The following DYRK3 variants were observed in gnomAD, a reference collection of about 807,000 sequenced individuals.
DYRK3 encodes the protein dual specificity tyrosine-phosphorylation-regulated kinase 3.
In DYRK3, 30 loss-of-function variants were observed where a neutral mutation model predicts 40.8. That is an observed-to-expected ratio of 0.74 (90% CI 0.55 to 1.00). DYRK3 has a LOEUF of 1.00. Ranked by LOEUF, DYRK3 falls within the 50% of genes least tolerant of loss-of-function variation. The pLI is 0.00. For synonymous variants in DYRK3, 272 were observed against 260.7 expected, an observed-to-expected ratio of 1.04 and a Z score of -0.42; for missense variants, 699 against 731.5, an observed-to-expected ratio of 0.96 and a Z score of 0.51.
intron 2 of DYRK3, among the ~76,000 whole-genome samples, chr1:206,641,124 G>A (rs1671277610): frequency 6.6e-6 from 1 of 151,640 alleles, no homozygotes; most frequent in Non-Finnish European, 1.5e-5. Flanking sequence ...GTGGTGTTTG[G>A]GTTACATGAA....
rs1476918314 is a variant in DYRK3, at chr1:206,637,752, A to G, written c.180A>G (p.Arg60=). The G allele has an allele frequency of 6.2e-7, 1 of 1,611,598 alleles. No individual in the cohort carries two copies. The highest frequency in any genetic ancestry group is 8.5e-7 in the Non-Finnish European group (1 of 1,178,054). ...LCNPSEPPPP[R]RLNMTTEQFT... Reference sequence around the variant, plus strand: ...ATCCTTCTGAACCACCTCCACCCAGAAGACTAAATGTAAGTAAAAGAAGTC... The same window carrying G: ...ATCCTTCTGAACCACCTCCACCCAGGAGACTAAATGTAAGTAAAAGAAGTC... Residue 60 remains arginine, a synonymous_variant, in exon 2 of 3, where the codon AGA becomes AGG. Coordinates refer to ENST00000367109, the MANE Select transcript of DYRK3 (RefSeq NM_003582.4).
At chr1:206,646,102 G>A (rs1553420070) in intron 2 of DYRK3, among the ~76,000 whole-genome samples, 1 of 152,058 alleles carries the variant, frequency 6.6e-6, no homozygotes, top group African/African-American at 2.4e-5. Flanking sequence ...CACCTGCCTT[G>A]GCCTCCCAGA....
At chr1:206,643,260 G>A (rs1671341932) in intron 2 of DYRK3, among the ~76,000 whole-genome samples, 1 of 152,062 alleles carries the variant, frequency 6.6e-6, no homozygotes, top group African/African-American at 2.4e-5. Flanking sequence ...CCAAAGGCAA[G>A]GTACAACTTA....
intron 2 of DYRK3, among the ~76,000 whole-genome samples, chr1:206,643,753 C>CT (rs1671353026): frequency 6.6e-6 from 1 of 151,982 alleles, no homozygotes; most frequent in African/African-American, 2.4e-5. Context: ...ATAGTTAGTG[C>CT]TAGACGCATG....
chr1:206,646,530 A>T (rs1379540380), intron 2 of DYRK3, among the ~76,000 whole-genome samples: 1 of 152,176 alleles, frequency 6.6e-6, no homozygotes, highest in Non-Finnish European at 1.5e-5. Flanking sequence ...CCTCACTGTT[A>T]TCAGGTACTT....
intron 1 of DYRK3, chr1:206,636,077 A>C: frequency 6.6e-7 from 1 of 1,519,046 alleles, no homozygotes; most frequent in East Asian, 2.6e-5. Context: ...GATTACGAAA[A>C]TCTAGGACTT....
At position 206,647,518 on chromosome 1, in the gene DYRK3, ACT is replaced by A. The variant is rs1671490017; in HGVS notation, c.323_324del (p.Ser108Ter). ...ACTATTCAGTCAGATGGCATCAGTG[ACT>A]CTGAAAAATGCTCTCCTACTGTTTC... On this transcript the variant is annotated frameshift_variant, in exon 3 of 3. Transcript: ENST00000367109. LOFTEE classifies it high-confidence loss of function. 1 of 1,614,098 alleles carries A rather than the reference ACT, an allele frequency of 6.2e-7. No homozygotes were observed. Among genetic ancestry groups the A allele is most frequent in the Non-Finnish European group, 8.5e-7 (1 of 1,180,020 alleles).
At chr1:206,636,019 C>G in intron 1 of DYRK3, 1 of 1,437,048 alleles carries the variant, frequency 7.0e-7, no homozygotes, top group Non-Finnish European at 9.2e-7. Context: ...AGAAGAATTT[C>G]CACCCCTGGA....
At chr1:206,636,392 C>T (rs1160800856) in intron 1 of DYRK3, among the ~76,000 whole-genome samples, 1 of 152,176 alleles carries the variant, frequency 6.6e-6, no homozygotes, top group Non-Finnish European at 1.5e-5. Context: ...GGCAATTTTG[C>T]ACGTTTTCTT....
At chr1:206,642,715 C>T (rs4845122) in intron 2 of DYRK3, among the ~76,000 whole-genome samples, 5 of 151,688 alleles carry the variant, frequency 3.3e-5, no homozygotes, top group African/African-American at 4.8e-5. Context: ...CTCATAGGTG[C>T]GAATTGAACA....
chr1:206,649,157 A>G lies in DYRK3; in HGVS notation c.*192A>G, dbSNP rs1671562217. On this transcript the variant is annotated 3_prime_UTR_variant, in exon 3 of 3. Transcript: ENST00000367109. ...ATTACCTAACCAGCTTGTATTGGCC[A>G]TCTGGAATATGCATTAAATGACTTT... 1.1e-5 allele frequency: 6 copies of G among 568,338 alleles called. No homozygotes were observed. The highest frequency in any genetic ancestry group is 1.8e-5 in the Non-Finnish European group (6 of 332,454). The allele number at this position is 568,338 out of a possible 1,614,324, so 35.2% of individuals were successfully genotyped here.
intron 1 of DYRK3, chr1:206,636,905 A>G: frequency 6.2e-7 from 1 of 1,613,200 alleles, no homozygotes; most frequent in Non-Finnish European, 8.5e-7. Flanking sequence ...AGAACAGAGA[A>G]GTGATCCTTA....
chr1:206,648,394 T>C lies in DYRK3; in HGVS notation c.1196T>C (p.Leu399Pro). ...GACATATGGAGTTTTGGCTGCATCC[T>C]TGCAGAACTTTTAACAGGACAGCCT... ...PIDIWSFGCILAELLTGQPLF... is the reference protein window; with the variant it reads ...PIDIWSFGCIPAELLTGQPLF... The change falls in exon 3 of 3, where the codon CTT becomes CCT. Residue 399 changes from leucine to proline, a missense_variant. Leu to Pro is a moderately conservative substitution (Grantham distance 98). Transcript: ENST00000367109. 1 of 1,614,142 alleles carries C rather than the reference T, an allele frequency of 6.2e-7. No homozygotes were observed. The highest frequency in any genetic ancestry group is 8.5e-7 in the Non-Finnish European group (1 of 1,180,006).
intron 1 of DYRK3, chr1:206,636,171 G>A: frequency 1.2e-6 from 1 of 834,934 alleles, no homozygotes; most frequent in Non-Finnish European, 1.8e-6. Context: ...GATAACCAAC[G>A]GCTGAACTCT....
chr1:206,643,717 G>A (rs530070014), intron 2 of DYRK3, among the ~76,000 whole-genome samples: 1 of 152,266 alleles, frequency 6.6e-6, no homozygotes, highest in African/African-American at 2.4e-5. Flanking sequence ...AAGGCCTATT[G>A]TGGGGGCCCT....
chr1:206,637,885 C>A, intron 2 of DYRK3, 124 bp downstream of exon 2: 1 of 645,972 alleles, frequency 1.5e-6, no homozygotes, highest in Non-Finnish European at 2.6e-6. Context: ...TTTTTGATTT[C>A]TCTTGACTTT....
chr1:206,644,216 G>T (rs1244711428), intron 2 of DYRK3, among the ~76,000 whole-genome samples: 1 of 151,636 alleles, frequency 6.6e-6, no homozygotes, highest in Non-Finnish European at 1.5e-5. Flanking sequence ...TGTATTTTTA[G>T]TAGAGATGGG....
At position 206,653,174 on chromosome 1, in the gene DYRK3, T is replaced by TG. The variant is rs1255143851; in HGVS notation, c.*4210dup. Among the ~76,000 whole-genome samples, 11 of 152,116 alleles carry TG rather than the reference T, an allele frequency of 7.2e-5. No individual in the cohort carries two copies. The highest frequency in any genetic ancestry group is 1.5e-4 in the Non-Finnish European group (10 of 68,024). On this transcript the variant is annotated 3_prime_UTR_variant, in exon 3 of 3. Coordinates refer to ENST00000367109, the MANE Select transcript of DYRK3 (RefSeq NM_003582.4). ...CTGGGACTACAGTCACGTGCTACCA[T>TG]GCCTGGCTAATTTTTTGTATATCTG...
rs1558559469 is a variant in DYRK3, at chr1:206,648,299, CA to C, written c.1102del (p.Thr368HisfsTer15). On this transcript the variant is annotated frameshift_variant, in exon 3 of 3. Coordinates refer to ENST00000367109, the MANE Select transcript of DYRK3 (RefSeq NM_003582.4). LOFTEE classifies it high-confidence loss of function. ...SSCFEYQKLY[T>X]YIQSRFYRAP... ...GCTGTTTCGAGTACCAGAAGCTCTACACATATATCCAGTCTCGGTTCTACAG... is the reference window on the plus strand; with the variant it reads ...GCTGTTTCGAGTACCAGAAGCTCTACCATATATCCAGTCTCGGTTCTACAG... 1 of 1,614,152 alleles carries C rather than the reference CA, an allele frequency of 6.2e-7. No individual in the cohort carries two copies. The highest frequency in any genetic ancestry group is 1.7e-5 in the Admixed American group (1 of 60,016).
Sources: allele counts gnomAD v4.1 joint callset (sites outside exome capture counted in the v4.1 genomes callset), GRCh38; gene constraint gnomAD v4.1.1; transcripts MANE v1.5; gene names NCBI Gene and HGNC (gene_info 2026-07-23, HGNC 2026-07-21).